MTCL1: variants seen among roughly 807,000 people sequenced by gnomAD.
The protein encoded by MTCL1 is microtubule crosslinking factor 1, also known as microtubule cross-linking factor 1.
In MTCL1, 79 loss-of-function variants were observed where a neutral mutation model predicts 141.4. The observed-to-expected ratio is 0.56, with a 90% CI of 0.47 to 0.67. MTCL1 has a LOEUF of 0.67. Among genes scored for constraint, MTCL1 ranks in the 30% least tolerant of loss-of-function variants. MTCL1 has a pLI of 0.00. For synonymous variants in MTCL1, 914 were observed against 875.8 expected (o/e 1.04, Z -0.77); for missense variants, 2,177 against 2,113.9 (o/e 1.03, Z -0.59).
chr18:8,798,198 T>A (rs757944142), exon 10 of MTCL1: 1 of 1,598,466 alleles, frequency 6.3e-7, no homozygotes, highest in South Asian at 1.1e-5. Context: ...GCTGTGGCTT[T>A]CCAGTGGGGG....
chr18:8,786,452 C>T (rs1159007847), intron 7 of MTCL1: 1 of 456,248 alleles, frequency 2.2e-6, no homozygotes, highest in Non-Finnish European at 4.3e-6. Context: ...GGCTTCCCTG[C>T]TCTGGAGGAA....
intron 9 of MTCL1, among the ~76,000 whole-genome samples, chr18:8,797,513 G>A (rs1373111385): frequency 6.6e-6 from 1 of 152,220 alleles, no homozygotes; most frequent in African/African-American, 2.4e-5. Context: ...TGTGTATTCT[G>A]TACATCACTG....
intron 4 of MTCL1, among the ~76,000 whole-genome samples, chr18:8,775,002 C>T (rs1006534322): frequency 2.0e-5 from 3 of 152,136 alleles, no homozygotes; most frequent in Admixed American, 1.3e-4. Flanking sequence ...CATCCAAGGG[C>T]TCCCACCCAG....
exon 17 of MTCL1, chr18:8,831,679 C>T (rs1188204660): frequency 7.1e-6 from 11 of 1,550,618 alleles, no homozygotes; most frequent in African/African-American, 1.4e-5. Flanking sequence ...AGCAAACCGT[C>T]GCCCTCCGTC....
exon 6 of MTCL1, chr18:8,783,684 T>C: frequency 1.9e-6 from 3 of 1,610,864 alleles, no homozygotes; most frequent in Non-Finnish European, 2.5e-6. Context: ...GACAGTCCCC[T>C]GCCCACGGGG....
At chr18:8,817,732 A>C (rs1047079798) in intron 12 of MTCL1, among the ~76,000 whole-genome samples, 4 of 152,050 alleles carry the variant, frequency 2.6e-5, no homozygotes, top group African/African-American at 9.7e-5. Flanking sequence ...TTATTTGGCC[A>C]CTCCTTCAGG....
rs775460671 is a variant in MTCL1, at chr18:8,828,917, G to C, written c.4732G>C (p.Val1578Leu). The change falls in exon 16 of 17, where the codon GTC (valine) becomes CTC (leucine). Residue 1578 changes from valine (V) to leucine (L), a missense_variant. Val to Leu is a conservative substitution (Grantham distance 32, BLOSUM62 1). Coordinates refer to ENST00000359865, the Ensembl canonical transcript of MTCL1. This position sits in a 1 kb window ranked among gnomAD's most constrained non-coding sequence, Gnocchi z 5.2. ...TGTCTGTTCTGTCCAGAACCAAACT[G>C]TCTTGCTAACTGCCCCCTGGGGACT... The C allele has an allele frequency of 6.2e-7, 1 of 1,614,096 alleles. No individual in the cohort carries two copies. The highest frequency in any genetic ancestry group is 8.5e-7 in the Non-Finnish European group (1 of 1,180,032).
intron 4 of MTCL1, among the ~76,000 whole-genome samples, chr18:8,767,169 A>G (rs1419738113): frequency 6.6e-6 from 1 of 152,214 alleles, no homozygotes; most frequent in Non-Finnish European, 1.5e-5. Context: ...CTCCTCTTGA[A>G]TCACTTAAAG....
chr18:8,800,315 C>T (rs2076076042), intron 10 of MTCL1: 2 of 152,246 alleles, frequency 1.3e-5, no homozygotes, highest in African/African-American at 4.8e-5. Flanking sequence ...CTAGCCAAGC[C>T]GTTTTCCCAA....
intron 4 of MTCL1, among the ~76,000 whole-genome samples, chr18:8,721,840 CAG>C (rs764627433): frequency 3.9e-5 from 6 of 152,202 alleles, no homozygotes; most frequent in East Asian, 1.9e-4. Flanking sequence ...GGGGCAGGGA[CAG>C]GGGCTTTGTC....
At chr18:8,763,228 G>T (rs965290271) in intron 4 of MTCL1, among the ~76,000 whole-genome samples, 1 of 152,200 alleles carries the variant, frequency 6.6e-6, no homozygotes, top group Admixed American at 6.5e-5. Context: ...GTTACCAGGG[G>T]GTTAGAAATC....
chr18:8,784,814 C>G (rs971820972), exon 6 of MTCL1: 6 of 1,605,072 alleles, frequency 3.7e-6, no homozygotes, highest in Non-Finnish European at 5.1e-6. Flanking sequence ...CATCGGGAAC[C>G]TGGGGAAGGA....
At chr18:8,796,152 G>A in intron 8 of MTCL1, 80 bp from the exon 8 acceptor site, 3 of 1,426,672 alleles carry the variant, frequency 2.1e-6, no homozygotes, top group South Asian at 2.4e-5. Context: ...CTGAGTGGCA[G>A]TTTGCAGGGA....
chr18:8,824,706 T>C, exon 15 of MTCL1: 3 of 1,610,670 alleles, frequency 1.9e-6, no homozygotes, highest in Non-Finnish European at 2.5e-6. Flanking sequence ...CAGGGCGGTG[T>C]CCGTGTCCTC....
In MTCL1 at chr18:8,778,453, T is replaced by C. The variant is rs143871191; in HGVS notation, c.417+561T>C. Among the ~76,000 whole-genome samples the C allele has an allele frequency of 1.2e-3, 187 of 152,316 alleles. 1 individual carries two copies. The highest frequency in any genetic ancestry group is 4.1e-3 in the African/African-American group (171 of 41,580). On this transcript the variant is annotated intron_variant, in intron 5 of 16. Transcript: ENST00000359865. ...TTAAATTGCTGCTAGCATTAGGTGG[T>C]GGAGAGAACAAAGGTGTTATTGGGA... is the stretch of plus-strand genomic sequence containing the variant.
At chr18:8,783,509 C>G in intron 5 of MTCL1, 21 bp from the exon 5 acceptor site, 1 of 1,567,452 alleles carries the variant, frequency 6.4e-7, no homozygotes, top group African/African-American at 1.4e-5. Context: ...ACCCTTCTCC[C>G]GGGCTGTTCT....
At position 8,733,072 on chromosome 18, in the gene MTCL1, C is replaced by CCAGT. The variant is rs559427903; in HGVS notation, c.357+12577_357+12580dup. 2.4e-3 allele frequency among the ~76,000 whole-genome samples: 361 copies of CCAGT among 152,298 alleles called. 4 individuals carry two copies. Among genetic ancestry groups the CCAGT allele is most frequent in the African/African-American group, 8.3e-3 (346 of 41,548 alleles). ...CTCAACAGTTGCGGGTAGACCGTTG[C>CCAGT]CAGTTGTTTTCGCATCACACGTGGC... On this transcript the variant is annotated intron_variant, in intron 4 of 16. Coordinates refer to ENST00000359865, the Ensembl canonical transcript of MTCL1.
At chr18:8,747,173 C>G (rs1439742820) in intron 4 of MTCL1, among the ~76,000 whole-genome samples, 1 of 152,208 alleles carries the variant, frequency 6.6e-6, no homozygotes, top group Non-Finnish European at 1.5e-5. Context: ...CAGGTACTGA[C>G]TCTGTCTTTT....
Position 8,777,843 on chromosome 18 carries a change from AAAG to A in MTCL1, c.375_377del (p.Arg125del), listed in dbSNP as rs764700968. The A allele has an allele frequency of 5.0e-6, 8 of 1,613,942 alleles. 1 individual carries two copies. Among genetic ancestry groups the A allele is most frequent in the Middle Eastern group, 3.3e-4 (2 of 6,062 alleles). On this transcript the variant is annotated inframe_deletion, in exon 5 of 17. Transcript: ENST00000359865. ...TTGGATCTATTTCAGAGTTCCCTAAAAAGAAGAAGCACTCGGGAAATGTACAAG... is the reference window on the plus strand; with the variant it reads ...TTGGATCTATTTCAGAGTTCCCTAAAAAGAAGCACTCGGGAAATGTACAAG...
Sources: gnomAD v4.1 joint callset for allele counts (sites outside exome capture counted in the v4.1 genomes callset) on GRCh38, gnomAD v4.1.1 for gene constraint, Gnocchi (gnomAD v3.1) non-coding constraint, MANE v1.5 for transcripts, NCBI Gene and HGNC (gene_info 2026-07-23, HGNC 2026-07-21) for gene names.